Variants in CDC5L observed in about 807,000 individuals in gnomAD.
CDC5L encodes cell division cycle 5 like.
Under a neutral mutation model 104.1 loss-of-function variants are expected in CDC5L, and 18 were observed. The ratio of observed to expected loss-of-function variants is 0.17; its 90% CI spans 0.12 to 0.26. The LOEUF (loss-of-function observed/expected upper bound fraction) is 0.26, where lower values mean the gene tolerates loss of function less well. Among genes scored for constraint, CDC5L ranks in the 10% least tolerant of loss-of-function variants. The pLI is 1.00. For missense variants in CDC5L, 673 were observed against 956.9 expected, an observed-to-expected ratio of 0.70 and a Z score of 3.91; for synonymous variants, 331 against 322.7, an observed-to-expected ratio of 1.03 and a Z score of -0.28.
At chr6:44,399,141 C>T (rs533242235) in intron 5 of CDC5L, among the ~76,000 whole-genome samples, 6 of 152,262 alleles carry the variant, frequency 3.9e-5, no homozygotes, top group East Asian at 1.9e-4. Flanking sequence ...TTTGTTGAGA[C>T]GGAGTCTCGC....
At position 44,448,118 on chromosome 6, in the gene CDC5L, CAT is replaced by C. The variant is rs11572060; in HGVS notation, c.*1408_*1409del. 0.1 allele frequency: 15,371 copies of C among 152,134 alleles called. 1,099 individuals are homozygous for C. Among genetic ancestry groups the C allele is most frequent in the Admixed American group, 0.21 (3,138 of 15,280 alleles). 9.4% of individuals were successfully genotyped at this position (152,134 alleles called of 1,614,324 possible). Reference sequence around the variant, plus strand: ...CTTAAAGAAGTAACATTTAAGATAACATGTGATTGACATTTTAGAATGGGCTA... The same window carrying C: ...CTTAAAGAAGTAACATTTAAGATAACGTGATTGACATTTTAGAATGGGCTA... On this transcript the variant is annotated 3_prime_UTR_variant, in exon 16 of 16. Coordinates refer to ENST00000371477, the MANE Select transcript of CDC5L (RefSeq NM_001253.4).
rs1793550971 is a variant in CDC5L, at chr6:44,448,972, T to C, written c.*2261T>C. 6.6e-6 allele frequency: 1 copy of C among 152,232 alleles called. No homozygotes were observed. Among genetic ancestry groups the C allele is most frequent in the Admixed American group, 6.5e-5 (1 of 15,286 alleles). The allele number at this position is 152,232 out of a possible 1,614,324, so 9.4% of individuals were successfully genotyped here. A position where few individuals can be genotyped will look rare whatever the true frequency, so the allele number is the denominator to read the frequency against. On this transcript the variant is annotated 3_prime_UTR_variant, in exon 16 of 16. Transcript: ENST00000371477. ...CATATAATTGTTCTCATTTGATGTT[T>C]TGATGAGGTATATTAATAGATTTTC...
At chr6:44,399,533 T>C (rs940720879) in intron 5 of CDC5L, among the ~76,000 whole-genome samples, 5 of 152,236 alleles carry the variant, frequency 3.3e-5, no homozygotes, top group African/African-American at 1.2e-4. Context: ...TGTTCTTCAT[T>C]CTTTTTCTCT....
Position 44,448,496 on chromosome 6 carries a change from A to G in CDC5L, c.*1785A>G, listed in dbSNP as rs947921658. The stretch of plus-strand genomic sequence containing the variant: ...ATGCAGTGATCCAGACAAAAAAATA[A>G]TAGTGATTCTAACTAGAGTCCAGGT... On this transcript the variant is annotated 3_prime_UTR_variant, in exon 16 of 16. Transcript: ENST00000371477. 4 of 152,208 alleles carry G rather than the reference A, an allele frequency of 2.6e-5. No individual in the cohort carries two copies. Among genetic ancestry groups the G allele is most frequent in the Non-Finnish European group, 5.9e-5 (4 of 68,020 alleles). 9.4% of individuals were successfully genotyped at this position (152,208 alleles called of 1,614,324 possible).
chr6:44,417,915 G>A (rs540188960), intron 8 of CDC5L, among the ~76,000 whole-genome samples: 1 of 152,278 alleles, frequency 6.6e-6, no homozygotes, highest in African/African-American at 2.4e-5. Context: ...TTGAATTCTT[G>A]TAATAGTAAT....
intron 5 of CDC5L, among the ~76,000 whole-genome samples, chr6:44,399,964 T>A (rs1485965091): frequency 8.5e-5 from 13 of 152,134 alleles, no homozygotes; most frequent in Admixed American, 8.5e-4. Flanking sequence ...TATTTTTTTT[T>A]AATTAAATAA....
Position 44,409,836 on chromosome 6 carries a change from C to T in CDC5L, c.1092+1204C>T, listed in dbSNP as rs868464324. 6.6e-5 allele frequency among the ~76,000 whole-genome samples: 10 copies of T among 152,072 alleles called. 1 individual carries two copies. Among genetic ancestry groups the T allele is most frequent in the African/African-American group, 2.2e-4 (9 of 41,398 alleles). The stretch of plus-strand genomic sequence containing the variant: ...CCCTTGGATCCCCTCTTTCCAGGCT[C>T]CCATGTCTTTGGCTTTCTTGGTTTA... On this transcript the variant is annotated intron_variant, in intron 8 of 15. Transcript: ENST00000371477.
intron 8 of CDC5L, among the ~76,000 whole-genome samples, 196 bp downstream of exon 8, chr6:44,408,828 A>T (rs574956837): frequency 2.0e-5 from 3 of 152,318 alleles, no homozygotes; most frequent in Admixed American, 6.5e-5. Context: ...TTTTATTTTC[A>T]CATTTATTAA....
chr6:44,393,172 T>G (rs1790696740), intron 3 of CDC5L, among the ~76,000 whole-genome samples: 1 of 150,026 alleles, frequency 6.7e-6, no homozygotes, highest in African/African-American at 2.4e-5. Flanking sequence ...TAGTTTTTTT[T>G]TTTTTTTTTT....
chr6:44,448,068 A>G lies in CDC5L; in HGVS notation c.*1357A>G, dbSNP rs1290968473. On this transcript the variant is annotated 3_prime_UTR_variant, in exon 16 of 16. Transcript: ENST00000371477. ...CTGCACTGTGCCGCACCGTACCACT[A>G]TAAGCTGCACGGCCAAAGAGACCTC... The G allele has an allele frequency of 6.6e-6, 1 of 152,218 alleles. No homozygotes were observed. The highest frequency in any genetic ancestry group is 1.5e-5 in the Non-Finnish European group (1 of 68,040). 9.4% of individuals were successfully genotyped at this position (152,218 alleles called of 1,614,324 possible). A position where few individuals can be genotyped will look rare whatever the true frequency, so the allele number is the denominator to read the frequency against.
chr6:44,406,802 A>G (rs1791385214), intron 7 of CDC5L, among the ~76,000 whole-genome samples: 1 of 152,188 alleles, frequency 6.6e-6, no homozygotes, highest in Admixed American at 6.5e-5. Flanking sequence ...AATCGCAGCT[A>G]CTTGGGAGGC....
intron 5 of CDC5L, among the ~76,000 whole-genome samples, chr6:44,399,917 C>T (rs1319937328): frequency 2.0e-5 from 3 of 151,772 alleles, no homozygotes; most frequent in Non-Finnish European, 2.9e-5. Flanking sequence ...TTCCAAAGTG[C>T]TGGGATTACA....
chr6:44,412,287 A>G (rs1233015867), intron 8 of CDC5L, among the ~76,000 whole-genome samples: 1 of 141,170 alleles, frequency 7.1e-6, no homozygotes, highest in Non-Finnish European at 1.5e-5. Flanking sequence ...TCTGTGACAG[A>G]TAGGAATAAC....
intron 14 of CDC5L, among the ~76,000 whole-genome samples, chr6:44,440,594 T>C (rs994260071): frequency 6.6e-6 from 1 of 152,008 alleles, no homozygotes; most frequent in African/African-American, 2.4e-5. Context: ...CATATGTTTA[T>C]GGAGTAAGAT....
At chr6:44,411,605 A>G (rs1791627142) in intron 8 of CDC5L, among the ~76,000 whole-genome samples, 2 of 56,572 alleles carry the variant, frequency 3.5e-5, no homozygotes, top group Admixed American at 3.6e-4. Flanking sequence ...ATCCTGTGAG[A>G]GACAGAGAGA....
intron 14 of CDC5L, among the ~76,000 whole-genome samples, chr6:44,434,687 T>G (rs544163655): frequency 7.2e-4 from 110 of 152,338 alleles, no homozygotes; most frequent in African/African-American, 2.5e-3. Context: ...TGAACCTCAC[T>G]GTAACGGACT....
chr6:44,411,244 C>T (rs1281308327), intron 8 of CDC5L, among the ~76,000 whole-genome samples: 3 of 151,996 alleles, frequency 2.0e-5, no homozygotes, highest in East Asian at 1.9e-4. Context: ...GGGTAGGGCT[C>T]CTTGACTCCT....
chr6:44,418,151 C>G (rs1351205513), intron 8 of CDC5L, among the ~76,000 whole-genome samples: 2 of 152,100 alleles, frequency 1.3e-5, no homozygotes, highest in Non-Finnish European at 2.9e-5. Context: ...CCCTCTCCCC[C>G]CACCCTCCAA....
At chr6:44,390,182 A>T (rs1340915410) in intron 1 of CDC5L, 86 bp from the exon 2 acceptor site, 11 of 779,912 alleles carry the variant, frequency 1.4e-5, no homozygotes, top group Non-Finnish European at 1.8e-5. Context: ...CTCTTTCTCC[A>T]ATAGCCCTAT....
Sources: gnomAD v4.1 joint callset for allele counts (sites outside exome capture counted in the v4.1 genomes callset) on GRCh38, gnomAD v4.1.1 for gene constraint, MANE v1.5 for transcripts, NCBI Gene and HGNC (gene_info 2026-07-23, HGNC 2026-07-21) for gene names.